Variants in CCDC12 observed in about 807,000 individuals in gnomAD.
CCDC12 encodes coiled-coil domain-containing protein 12.
CCDC12 carries 28 observed loss-of-function variants against 25.7 expected under a neutral mutation model. The ratio of observed to expected loss-of-function variants is 1.09; its 90% confidence interval spans 0.81 to 1.50. The LOEUF is 1.50. Ranked by LOEUF, CCDC12 falls within the 40% of genes most tolerant of loss-of-function variation. The probability of loss-of-function intolerance (pLI) is 0.00; values close to 1 mark genes in which losing one functional copy is unlikely to be tolerated. For synonymous variants in CCDC12, 75 were observed against 87.7 expected, an observed-to-expected ratio of 0.86 and a Z score of 0.81; for missense variants, 198 against 210.0, an observed-to-expected ratio of 0.94 and a Z score of 0.35.
chr3:46,971,551 A>T (rs2034803259), intron 1 of CCDC12, among the ~76,000 whole-genome samples: 1 of 152,238 alleles, frequency 6.6e-6, no homozygotes, highest in Admixed American at 6.5e-5. Context: ...AGAATAATAC[A>T]CGGAAACATT....
chr3:46,930,031 C>CAAA lies in CCDC12; in HGVS notation c.165-4499_165-4497dup, dbSNP rs145507739. Among the ~76,000 whole-genome samples the CAAA allele has an allele frequency of 3.0e-3, 118 of 39,844 alleles. 4 individuals are homozygous for CAAA. The highest frequency in any genetic ancestry group is 0.013 in the African/African-American group (96 of 7,634). 26.1% of individuals were successfully genotyped at this position (39,844 alleles called of 152,430 possible). ...GGGCGAGAACAGCAAGACCCCATCT[C>CAAA]AAAAAAAAAAAAAAAAAAAAAAAAA... On this transcript the variant is annotated intron_variant, in intron 2 of 6. Transcript: ENST00000683445.
chr3:46,951,483 T>A (rs917769201), intron 1 of CCDC12, among the ~76,000 whole-genome samples: 4 of 151,630 alleles, frequency 2.6e-5, no homozygotes, highest in Non-Finnish European at 5.9e-5. Context: ...TAACAATTTT[T>A]AAAAAATCAT....
In CCDC12 at chr3:46,976,438, G is replaced by C. The variant is rs138852955; in HGVS notation, c.96+199C>G. The stretch of plus-strand genomic sequence containing the variant: ...CCACCCCCGCGCATGCGCGACGACC[G>C]CACCAGCGCCAGAGGAGTCCCACGC... On this transcript the variant is annotated intron_variant, in intron 1 of 6. Coordinates refer to ENST00000683445, the MANE Select transcript of CCDC12 (RefSeq NM_001277074.2). 7 of 1,415,042 alleles carry C rather than the reference G, an allele frequency of 4.9e-6. No individual in the cohort carries two copies. In the East Asian group the frequency reaches 1.3e-4, roughly 26 times the overall value. 87.7% of individuals were successfully genotyped at this position (1,415,042 alleles called of 1,614,324 possible).
chr3:46,929,771 A>G (rs2033129674), intron 2 of CCDC12, among the ~76,000 whole-genome samples: 1 of 151,694 alleles, frequency 6.6e-6, no homozygotes, highest in Non-Finnish European at 1.5e-5. Context: ...TCACACCTGT[A>G]ATTCCAACAC....
At chr3:46,946,348 T>C (rs2033906286) in intron 1 of CCDC12, among the ~76,000 whole-genome samples, 1 of 152,266 alleles carries the variant, frequency 6.6e-6, no homozygotes, top group Non-Finnish European at 1.5e-5. Context: ...CTAAATATCT[T>C]GTACACTTAG....
chr3:46,944,071 A>G (rs575218500), intron 1 of CCDC12, among the ~76,000 whole-genome samples: 4 of 152,292 alleles, frequency 2.6e-5, no homozygotes, highest in Admixed American at 1.3e-4. Flanking sequence ...AGACCACTTG[A>G]AGCTCACCCC....
chr3:46,967,198 G>A (rs1002992554), intron 1 of CCDC12, among the ~76,000 whole-genome samples: 3 of 151,988 alleles, frequency 2.0e-5, no homozygotes, highest in African/African-American at 7.3e-5. Flanking sequence ...CCTCTCCCCT[G>A]TACTTTGCCA....
At chr3:46,975,706 T>C (rs2034955378) in intron 1 of CCDC12, among the ~76,000 whole-genome samples, 1 of 151,566 alleles carries the variant, frequency 6.6e-6, no homozygotes, top group South Asian at 2.1e-4. Flanking sequence ...AATTTTTTTG[T>C]ATTTTTAGTA....
rs1284112459 is a variant in CCDC12, at chr3:46,922,310, T to C, written c.344A>G (p.Asp115Gly). ...CTTCTTGGCCACATCTCTCTTGAGGTCCCTGGAGCAGGGAGGCAGGGAGAA... is the reference window on the plus strand; with the variant it reads ...CTTCTTGGCCACATCTCTCTTGAGGCCCCTGGAGCAGGGAGGCAGGGAGAA... ...ANLAPRKPDW[D>G]LKRDVAKKLE... Residue 115 changes from aspartate to glycine, a missense_variant and splice_region_variant, in exon 6 of 7, where the codon GAC becomes GGC. By Grantham distance (94) the Asp-to-Gly change is moderately conservative (BLOSUM62 -1). Coordinates refer to ENST00000683445, the MANE Select transcript of CCDC12 (RefSeq NM_001277074.2). The C allele has an allele frequency of 6.2e-7, 1 of 1,614,050 alleles. No homozygotes were observed. Among genetic ancestry groups the C allele is most frequent in the Non-Finnish European group, 8.5e-7 (1 of 1,180,036 alleles).
intron 1 of CCDC12, among the ~76,000 whole-genome samples, chr3:46,968,528 A>G (rs1475895849): frequency 1.3e-5 from 2 of 152,214 alleles, no homozygotes; most frequent in Non-Finnish European, 1.5e-5. Flanking sequence ...TCTCCTAGCT[A>G]CTGATGAGTT....
intron 1 of CCDC12, among the ~76,000 whole-genome samples, chr3:46,964,029 A>G (rs1406289672): frequency 6.7e-6 from 1 of 148,204 alleles, no homozygotes; most frequent in Non-Finnish European, 1.5e-5. Context: ...CTGCCCGGCC[A>G]CCCATCGTCT....
chr3:46,964,603 A>T (rs1389341488), intron 1 of CCDC12, among the ~76,000 whole-genome samples: 2 of 152,194 alleles, frequency 1.3e-5, no homozygotes, highest in African/African-American at 2.4e-5. Flanking sequence ...TTTGTTCTGT[A>T]CTAAGAAAAA....
chr3:46,922,550 G>A lies in CCDC12; in HGVS notation c.342-238C>T. ...CATCACAAACCCACCCAACACAAGGGACTGAGCTAAGGCAAAGGTGGATGG... is the reference window on the plus strand; with the variant it reads ...CATCACAAACCCACCCAACACAAGGAACTGAGCTAAGGCAAAGGTGGATGG... On this transcript the variant is annotated intron_variant, in intron 5 of 6. Coordinates refer to ENST00000683445, the MANE Select transcript of CCDC12 (RefSeq NM_001277074.2). 3 of 583,382 alleles carry A rather than the reference G, an allele frequency of 5.1e-6. No homozygotes were observed. The South Asian group carries it at 6.0e-5, about 12-fold the overall frequency. 36.1% of individuals were successfully genotyped at this position (583,382 alleles called of 1,614,324 possible). A position where few individuals can be genotyped will look rare whatever the true frequency, so the allele number is the denominator to read the frequency against.
intron 3 of CCDC12, 124 bp from the exon 4 acceptor site, chr3:46,923,792 G>A: frequency 1.3e-6 from 1 of 767,492 alleles, no homozygotes; most frequent in Non-Finnish European, 1.9e-6. Context: ...ACCTCTGTGT[G>A]GCCCGCAACC....
chr3:46,961,913 A>C (rs553811878), intron 1 of CCDC12, among the ~76,000 whole-genome samples: 17 of 152,288 alleles, frequency 1.1e-4, no homozygotes, highest in African/African-American at 3.6e-4. Flanking sequence ...ACTGATACCC[A>C]TATGGGGAGA....
chr3:46,972,744 G>C (rs2107204411), intron 1 of CCDC12, among the ~76,000 whole-genome samples: 1 of 150,604 alleles, frequency 6.6e-6, no homozygotes, highest in South Asian at 2.1e-4. Context: ...GACCGGCCTG[G>C]GGCAACACAG....
At chr3:46,969,386 G>A (rs1199484215) in intron 1 of CCDC12, among the ~76,000 whole-genome samples, 1 of 152,096 alleles carries the variant, frequency 6.6e-6, no homozygotes, top group Non-Finnish European at 1.5e-5. Flanking sequence ...GGGCCACCAT[G>A]CCCGGCTAAT....
chr3:46,951,821 AT>A (rs2034138744), intron 1 of CCDC12, among the ~76,000 whole-genome samples: 1 of 84,350 alleles, frequency 1.2e-5, no homozygotes, highest in Admixed American at 1.5e-4. Context: ...ATATATATAT[AT>A]ACTTAATGAG....
intron 1 of CCDC12, among the ~76,000 whole-genome samples, chr3:46,957,189 T>C (rs2034316498): frequency 6.6e-6 from 1 of 152,138 alleles, no homozygotes; most frequent in Non-Finnish European, 1.5e-5. Context: ...AGTTGTGACC[T>C]GCAGAGAGGT....
Sources: allele counts gnomAD v4.1 joint callset (sites outside exome capture counted in the v4.1 genomes callset), GRCh38; gene constraint gnomAD v4.1.1; transcripts MANE v1.5; gene names NCBI Gene and HGNC (gene_info 2026-07-23, HGNC 2026-07-21).